Variants in MACROD2 observed in about 807,000 individuals in gnomAD.
MACROD2 encodes the protein mono-ADP ribosylhydrolase 2.
A neutral mutation model predicts 70.4 loss-of-function variants in MACROD2; 36 were observed. That is an observed-to-expected ratio of 0.51 (90% CI 0.39 to 0.68). The LOEUF (loss-of-function observed/expected upper bound fraction) is 0.68, where lower values mean the gene tolerates loss of function less well. Ranked by LOEUF, MACROD2 falls within the 30% of genes least tolerant of loss-of-function variation. The pLI, the probability that MACROD2 is intolerant of heterozygous loss-of-function variation, is 0.00. For missense variants in MACROD2, 496 were observed against 538.4 expected (o/e 0.92, Z 0.78); for synonymous variants, 172 against 178.8 (o/e 0.96, Z 0.30).
At chr20:15,528,247 G>T (rs1309179619) in intron 8 of MACROD2, among the ~76,000 whole-genome samples, 1 of 152,112 alleles carries the variant, frequency 6.6e-6, no homozygotes, top group Non-Finnish European at 1.5e-5. Flanking sequence ...CAATTCTCCT[G>T]CCTCAGCCTC....
chr20:14,843,510 A>G (rs1479039083), intron 5 of MACROD2, among the ~76,000 whole-genome samples: 3 of 152,066 alleles, frequency 2.0e-5, no homozygotes, highest in Non-Finnish European at 4.4e-5. Flanking sequence ...CCACTAGGTG[A>G]GCAAGGCAGG....
intron 3 of MACROD2, among the ~76,000 whole-genome samples, chr20:14,478,862 A>G (rs2084628992): frequency 6.6e-6 from 1 of 152,074 alleles, no homozygotes; most frequent in Admixed American, 6.5e-5. Flanking sequence ...GGCCTTGTGT[A>G]TCTGGTGCTG....
intron 15 of MACROD2, among the ~76,000 whole-genome samples, chr20:16,007,549 T>C (rs1341549511): frequency 2.6e-5 from 4 of 152,242 alleles, no homozygotes; most frequent in Non-Finnish European, 4.4e-5. Context: ...GGAAAGCTTT[T>C]GTTTATTCCA....
intron 5 of MACROD2, among the ~76,000 whole-genome samples, chr20:14,899,995 T>A (rs2073876760): frequency 6.6e-6 from 1 of 152,170 alleles, no homozygotes; most frequent in Admixed American, 6.5e-5. Flanking sequence ...CCTAAAAATA[T>A]TCCTGGTTGA....
At chr20:14,004,754 A>G (rs1302464790) in intron 2 of MACROD2, among the ~76,000 whole-genome samples, 3 of 152,188 alleles carry the variant, frequency 2.0e-5, no homozygotes, top group Admixed American at 1.3e-4. Context: ...TTATACATGT[A>G]TAAGTAGGTA....
At chr20:15,593,616 C>T (rs897068011) in intron 8 of MACROD2, among the ~76,000 whole-genome samples, 1 of 152,210 alleles carries the variant, frequency 6.6e-6, no homozygotes, top group African/African-American at 2.4e-5. Context: ...TCTGTGCAGA[C>T]TTTGTTGGAA....
chr20:14,174,918 A>G (rs2081251341), intron 3 of MACROD2, among the ~76,000 whole-genome samples: 1 of 152,154 alleles, frequency 6.6e-6, no homozygotes, highest in African/African-American at 2.4e-5. Context: ...GCTCCAGGTA[A>G]GGTCAAATCC....
At chr20:15,241,301 C>T (rs2077057600) in intron 6 of MACROD2, among the ~76,000 whole-genome samples, 1 of 152,020 alleles carries the variant, frequency 6.6e-6, no homozygotes, top group South Asian at 2.1e-4. Context: ...ATATAGCTGC[C>T]CTTGTGGAGC....
At chr20:15,690,245 T>C (rs2050282389) in intron 8 of MACROD2, among the ~76,000 whole-genome samples, 1 of 152,276 alleles carries the variant, frequency 6.6e-6, no homozygotes, top group Middle Eastern at 3.4e-3. Context: ...GTATGACATG[T>C]GGCAGATAGT....
At chr20:14,013,380 C>T (rs1048528184) in intron 2 of MACROD2, among the ~76,000 whole-genome samples, 11 of 151,082 alleles carry the variant, frequency 7.3e-5, no homozygotes, top group African/African-American at 2.7e-4. Context: ...TCATGCCATA[C>T]TCCTGCCTCA....
At chr20:15,258,402 T>A (rs1322706898) in intron 6 of MACROD2, among the ~76,000 whole-genome samples, 3 of 152,098 alleles carry the variant, frequency 2.0e-5, no homozygotes, top group Non-Finnish European at 4.4e-5. Context: ...TACACAGGTG[T>A]ACCCTTTAAA....
intron 5 of MACROD2, among the ~76,000 whole-genome samples, chr20:14,970,515 G>C (rs2074680777): frequency 6.6e-6 from 1 of 151,998 alleles, no homozygotes; most frequent in Admixed American, 6.6e-5. Flanking sequence ...CAGTGTTGAA[G>C]GGATGTATTT....
chr20:14,967,168 CT>C (rs1308622967), intron 5 of MACROD2, among the ~76,000 whole-genome samples: 1 of 152,076 alleles, frequency 6.6e-6, no homozygotes, highest in Non-Finnish European at 1.5e-5. Context: ...AAATCAATTT[CT>C]TTCTAAATGA....
chr20:15,130,390 T>C (rs1019183812), intron 5 of MACROD2, among the ~76,000 whole-genome samples: 6 of 151,824 alleles, frequency 4.0e-5, no homozygotes, highest in African/African-American at 1.5e-4. Flanking sequence ...TAATAGGCAA[T>C]GTGCATCTAG....
chr20:14,929,164 T>C (rs1471138466), intron 5 of MACROD2, among the ~76,000 whole-genome samples: 1 of 152,190 alleles, frequency 6.6e-6, no homozygotes, highest in Non-Finnish European at 1.5e-5. Flanking sequence ...AGGTGTCCTA[T>C]AATTTAATTC....
At chr20:15,378,166 GA>G (rs1418235740) in intron 6 of MACROD2, among the ~76,000 whole-genome samples, 11 of 124,754 alleles carry the variant, frequency 8.8e-5, no homozygotes, top group Non-Finnish European at 1.6e-4. Flanking sequence ...GAGAGAGAGA[GA>G]GAGAGAAAGG....
chr20:15,242,871 C>G (rs969465072), intron 6 of MACROD2, among the ~76,000 whole-genome samples: 7 of 151,980 alleles, frequency 4.6e-5, no homozygotes, highest in Admixed American at 3.9e-4. Context: ...GTGCAGGACG[C>G]TAATATGGAA....
chr20:14,292,054 A>G (rs1285750397), intron 3 of MACROD2, among the ~76,000 whole-genome samples: 5 of 151,948 alleles, frequency 3.3e-5, no homozygotes, highest in Non-Finnish European at 7.4e-5. Flanking sequence ...CACGAATAGC[A>G]TCTCAGAATT....
intron 6 of MACROD2, among the ~76,000 whole-genome samples, chr20:15,427,618 C>A (rs143142503): frequency 9.7e-4 from 148 of 152,290 alleles, no homozygotes; most frequent in Non-Finnish European, 1.6e-3. Context: ...ATGGACCCTA[C>A]AGACACAGTG....
Sources: allele counts gnomAD v4.1 joint callset (sites outside exome capture counted in the v4.1 genomes callset), GRCh38; gene constraint gnomAD v4.1.1; transcripts MANE v1.5; gene names NCBI Gene and HGNC (gene_info 2026-07-23, HGNC 2026-07-21).